AAK1: variants seen among roughly 807,000 people sequenced by gnomAD.
AAK1 encodes the protein AP2-associated protein kinase 1.
A neutral mutation model predicts 116.0 loss-of-function variants in AAK1; 37 were observed. The ratio of observed to expected loss-of-function variants is 0.32; its 90% CI spans 0.25 to 0.42. The LOEUF is 0.42. AAK1 is among the 10% of genes least tolerant of loss of function. The probability of loss-of-function intolerance (pLI) is 1.00; values close to 1 mark genes in which losing one functional copy is unlikely to be tolerated. For synonymous variants in AAK1, 458 were observed against 439.9 expected (o/e 1.04, Z -0.51); for missense variants, 919 against 1,170.6 (o/e 0.79, Z 3.14).
Position 69,470,807 on chromosome 2 carries a change from G to A in AAK1, c.*5062C>T. ...TGTAGCTATACTTTTCTTGTGCCCA[G>A]GTACTTATTGTCACTCAATACTGTG... On this transcript the variant is annotated 3_prime_UTR_variant, in exon 22 of 22. Coordinates refer to ENST00000409085, the MANE Select transcript of AAK1 (RefSeq NM_014911.5). 1.0e-6 allele frequency: 1 copy of A among 985,764 alleles called. No homozygotes were observed. Among genetic ancestry groups the A allele is most frequent in the Non-Finnish European group, 1.2e-6 (1 of 829,922 alleles). 61.1% of individuals were successfully genotyped at this position (985,764 alleles called of 1,614,324 possible). A position where few individuals can be genotyped will look rare whatever the true frequency, so the allele number is the denominator to read the frequency against.
chr2:69,482,688 A>T, intron 18 of AAK1, 23 bp downstream of exon 18: 1 of 1,555,578 alleles, frequency 6.4e-7, no homozygotes, highest in East Asian at 2.2e-5. Context: ...GCATGACTGA[A>T]GAAACAGAGA....
chr2:69,636,291 A>G (rs12713679), intron 2 of AAK1, among the ~76,000 whole-genome samples: 78,176 of 152,060 alleles, frequency 0.51, 22,694 homozygotes, highest in African/African-American at 0.76. Context: ...TACTCTTCAT[A>G]CATAGTCACA....
intron 2 of AAK1, among the ~76,000 whole-genome samples, chr2:69,586,997 G>C (rs1413894926): frequency 2.0e-5 from 3 of 151,984 alleles, no homozygotes; most frequent in African/African-American, 7.2e-5. Flanking sequence ...TTGAGGCTGG[G>C]TCCTTCTTCC....
intron 2 of AAK1, among the ~76,000 whole-genome samples, chr2:69,564,153 C>T (rs921222136): frequency 7.9e-5 from 12 of 151,682 alleles, no homozygotes; most frequent in African/African-American, 2.9e-4. Flanking sequence ...GATCACGCCA[C>T]TGCACTCCAG....
At chr2:69,505,523 A>T in intron 16 of AAK1, 46 bp downstream of exon 16, 1 of 1,503,838 alleles carries the variant, frequency 6.6e-7, no homozygotes, top group Non-Finnish European at 9.2e-7. Flanking sequence ...AACAGTGTGA[A>T]GGTAACAACA....
rs866912328 is a variant in AAK1 at position 69,469,893 on chromosome 2, T to C, written c.*5976A>G. On this transcript the variant is annotated 3_prime_UTR_variant, in exon 22 of 22. Transcript: ENST00000409085. ...GTCTATTTTGAGGCTCCAAATTATG[T>C]AGATTTCAGCAAGAACTCACATGCT... is the stretch of plus-strand genomic sequence containing the variant. 1 of 985,452 alleles carries C rather than the reference T, an allele frequency of 1.0e-6. No homozygotes were observed. The highest frequency in any genetic ancestry group is 1.7e-5 in the African/African-American group (1 of 57,348). 61.0% of individuals were successfully genotyped at this position (985,452 alleles called of 1,614,324 possible). A position where few individuals can be genotyped will look rare whatever the true frequency, so the allele number is the denominator to read the frequency against.
At chr2:69,612,687 A>C (rs1464084266) in intron 2 of AAK1, among the ~76,000 whole-genome samples, 1 of 152,218 alleles carries the variant, frequency 6.6e-6, no homozygotes, top group African/African-American at 2.4e-5. Context: ...AGTTTTACCA[A>C]GGAAGTCTCA....
intron 2 of AAK1, among the ~76,000 whole-genome samples, chr2:69,637,845 G>A (rs556858998): frequency 6.6e-6 from 1 of 152,030 alleles, no homozygotes; most frequent in Non-Finnish European, 1.5e-5. Flanking sequence ...CAGGGTACAA[G>A]TGTATGTCTC....
chr2:69,506,091 G>T (rs1676175427), intron 15 of AAK1, among the ~76,000 whole-genome samples: 1 of 152,174 alleles, frequency 6.6e-6, no homozygotes, highest in Non-Finnish European at 1.5e-5. Flanking sequence ...AGAGGGAGTG[G>T]TGGAGATGGC....
chr2:69,553,434 G>GTTCT (rs1671258097), intron 3 of AAK1, among the ~76,000 whole-genome samples: 1 of 117,874 alleles, frequency 8.5e-6, no homozygotes, highest in African/African-American at 4.0e-5. Context: ...AGAATTGAAA[G>GTTCT]TTGTTTTTTT....
In AAK1 at chr2:69,466,324, A is replaced by C. The variant is rs1319974471; in HGVS notation, c.*9545T>G. ...ATAAGGAGAGGCCGAGACCCACTGC[A>C]GTCCAGCATGTCTCCTTCAAGGTCA... On this transcript the variant is annotated 3_prime_UTR_variant, in exon 22 of 22. Transcript: ENST00000409085. 1 of 1,289,810 alleles carries C rather than the reference A, an allele frequency of 7.8e-7. No homozygotes were observed. The allele number at this position is 1,289,810 out of a possible 1,614,324, so 79.9% of individuals were successfully genotyped here. A position where few individuals can be genotyped will look rare whatever the true frequency, so the allele number is the denominator to read the frequency against.
intron 2 of AAK1, among the ~76,000 whole-genome samples, chr2:69,571,552 AAT>A (rs1672095628): frequency 6.6e-6 from 1 of 152,212 alleles, no homozygotes; most frequent in Admixed American, 6.5e-5. Context: ...ACCTTGCACC[AAT>A]ATGTCTGTAG....
chr2:69,621,951 C>T (rs187180262), intron 2 of AAK1, among the ~76,000 whole-genome samples: 4 of 152,370 alleles, frequency 2.6e-5, no homozygotes, highest in East Asian at 1.9e-4. Context: ...TCGCTTTCGA[C>T]GCCTCCTCGG....
chr2:69,475,211 TTGCA>T lies in AAK1; in HGVS notation c.*654_*657del, dbSNP rs1674809178. ...GAAAGCTGGACGAATGCTGGGCAGGTTGCATGGGGTGTAAAATCCCTTGGCTAAG... is the reference window on the plus strand; with the variant it reads ...GAAAGCTGGACGAATGCTGGGCAGGTTGGGGTGTAAAATCCCTTGGCTAAG... On this transcript the variant is annotated 3_prime_UTR_variant, in exon 22 of 22. Coordinates refer to ENST00000409085, the MANE Select transcript of AAK1 (RefSeq NM_014911.5). 3.7e-5 allele frequency: 36 copies of T among 985,732 alleles called. No individual in the cohort carries two copies. The highest frequency in any genetic ancestry group is 4.2e-5 in the Non-Finnish European group (35 of 829,966). The allele number at this position is 985,732 out of a possible 1,614,324, so 61.1% of individuals were successfully genotyped here. A position where few individuals can be genotyped will look rare whatever the true frequency, so the allele number is the denominator to read the frequency against.
At chr2:69,630,763 C>A (rs891508564) in intron 2 of AAK1, among the ~76,000 whole-genome samples, 2 of 152,148 alleles carry the variant, frequency 1.3e-5, no homozygotes, top group African/African-American at 4.8e-5. Flanking sequence ...TCATAGCACT[C>A]CCTTTATTCC....
chr2:69,497,903 C>A (rs573616608), intron 16 of AAK1, among the ~76,000 whole-genome samples: 2 of 152,106 alleles, frequency 1.3e-5, no homozygotes, highest in South Asian at 2.1e-4. Context: ...CCAGTTGTTA[C>A]GTGGCCCTAT....
At chr2:69,479,927 G>C (rs1332361394) in intron 19 of AAK1, among the ~76,000 whole-genome samples, 1 of 151,988 alleles carries the variant, frequency 6.6e-6, no homozygotes, top group Non-Finnish European at 1.5e-5. Flanking sequence ...GGCTAATTTT[G>C]TATTTTTAGT....
At chr2:69,530,218 C>A in intron 7 of AAK1, 78 bp from the exon 8 acceptor site, 1 of 1,422,774 alleles carries the variant, frequency 7.0e-7, no homozygotes, top group Non-Finnish European at 9.4e-7. Flanking sequence ...GAAACTGGCA[C>A]CATCCACATT....
chr2:69,540,039 C>T (rs1465069477), intron 5 of AAK1, among the ~76,000 whole-genome samples: 2 of 151,992 alleles, frequency 1.3e-5, no homozygotes, highest in African/African-American at 4.8e-5. Context: ...TTATATTTGT[C>T]CCATCCCCAC....
Sources: gnomAD v4.1 joint callset for allele counts (sites outside exome capture counted in the v4.1 genomes callset) on GRCh38, gnomAD v4.1.1 for gene constraint, MANE v1.5 for transcripts, NCBI Gene and HGNC (gene_info 2026-07-23, HGNC 2026-07-21) for gene names.